MSL2: variants seen among roughly 807,000 people sequenced by gnomAD.
MSL2 encodes E3 ubiquitin-protein ligase MSL2.
MSL2 carries 2 observed loss-of-function variants against 35.8 expected under a neutral mutation model. That is an observed-to-expected ratio of 0.06 (90% CI 0.02 to 0.18). The LOEUF (loss-of-function observed/expected upper bound fraction) is 0.18. MSL2 is among the 10% of genes least tolerant of loss of function. MSL2 has a pLI of 1.00. For missense variants in MSL2, 523 were observed against 706.7 expected (o/e 0.74, Z 2.95); for synonymous variants, 296 against 255.7 (o/e 1.16, Z -1.50).
At chr3:136,173,419 A>T (rs1479524075) in intron 1 of MSL2, among the ~76,000 whole-genome samples, 1 of 152,074 alleles carries the variant, frequency 6.6e-6, no homozygotes, top group Non-Finnish European at 1.5e-5. Flanking sequence ...TCCCCACCTA[A>T]AAGCCTGGTC....
chr3:136,162,171 C>T (rs1294393836), intron 1 of MSL2, among the ~76,000 whole-genome samples: 1 of 151,120 alleles, frequency 6.6e-6, no homozygotes, highest in Non-Finnish European at 1.5e-5. Context: ...CTCCTGACCT[C>T]GTGATCCACA....
chr3:136,192,077 T>C (rs946017928), intron 1 of MSL2, among the ~76,000 whole-genome samples: 18 of 152,186 alleles, frequency 1.2e-4, no homozygotes, highest in Admixed American at 2.0e-4. Flanking sequence ...ATTATATGTA[T>C]CAAGAAAATC....
chr3:136,158,222 G>A (rs2108064231), intron 1 of MSL2, among the ~76,000 whole-genome samples: 1 of 151,932 alleles, frequency 6.6e-6, no homozygotes, highest in Non-Finnish European at 1.5e-5. Flanking sequence ...TGAGGCAGGA[G>A]AATCGCTTCA....
intron 1 of MSL2, among the ~76,000 whole-genome samples, chr3:136,184,331 T>C (rs984340269): frequency 3.3e-5 from 5 of 151,576 alleles, no homozygotes; most frequent in African/African-American, 9.7e-5. Context: ...CTGGGCACAG[T>C]AGCTCATGTC....
intron 1 of MSL2, among the ~76,000 whole-genome samples, chr3:136,173,582 G>T (rs532150893): frequency 6.6e-6 from 1 of 152,092 alleles, no homozygotes; most frequent in African/African-American, 2.4e-5. Context: ...CACCCCTTCA[G>T]GTTTTATTTG....
intron 1 of MSL2, among the ~76,000 whole-genome samples, chr3:136,181,143 C>T (rs950465164): frequency 7.9e-5 from 12 of 151,620 alleles, no homozygotes; most frequent in Non-Finnish European, 1.6e-4. Flanking sequence ...CAGAGTAAAA[C>T]TCTGTCTCAA....
At position 136,149,200 on chromosome 3, in the gene MSL2, G is replaced by A. The variant is rs1455095476; in HGVS notation, c.*1947C>T. ...ATGAATTTTAAGATCATAATATTAGGAAAGTTTGGTCGATTTGCAAAATAT... is the reference window on the plus strand; with the variant it reads ...ATGAATTTTAAGATCATAATATTAGAAAAGTTTGGTCGATTTGCAAAATAT... On this transcript the variant is annotated 3_prime_UTR_variant, in exon 2 of 2. Transcript: ENST00000309993. The A allele has an allele frequency of 1.3e-5, 2 of 151,584 alleles. No individual in the cohort carries two copies. The highest frequency in any genetic ancestry group is 2.9e-5 in the Non-Finnish European group (2 of 67,908). The allele number at this position is 151,584 out of a possible 1,614,324, so 9.4% of individuals were successfully genotyped here.
At chr3:136,193,593 A>C (rs990370368) in intron 1 of MSL2, among the ~76,000 whole-genome samples, 1 of 152,058 alleles carries the variant, frequency 6.6e-6, no homozygotes, top group Non-Finnish European at 1.5e-5. Flanking sequence ...TAAAAAAAAA[A>C]AGCACTCCAT....
rs954502497 is a variant in MSL2 at position 136,150,929 on chromosome 3, T to C, written c.*218A>G. 1.9e-5 allele frequency: 10 copies of C among 524,998 alleles called. No homozygotes were observed. The highest frequency in any genetic ancestry group is 3.4e-5 in the Non-Finnish European group (10 of 296,848). The allele number at this position is 524,998 out of a possible 1,614,324, so 32.5% of individuals were successfully genotyped here. ...TTGCATCAGCTTTGTTCTCAAACTA[T>C]GAGGTTCTGTAAGAACTAAGGACAT... On this transcript the variant is annotated 3_prime_UTR_variant, in exon 2 of 2. Coordinates refer to ENST00000309993, the MANE Select transcript of MSL2 (RefSeq NM_018133.4).
rs139204085 is a variant in MSL2, at chr3:136,152,173, T to C, written c.708A>G (p.Pro236=). ...IKTEDLSDSL[P]PVCDTVATDL... ...CAGTGGCTACTGTGTCACAAACGGG[T>C]GGCAGGCTGTCAGACAGATCCTCAG... Residue 236 remains proline (P), a synonymous_variant, in exon 2 of 2, where the codon CCA becomes CCG. Transcript: ENST00000309993. 1.4e-4 allele frequency: 234 copies of C among 1,613,994 alleles called. No individual in the cohort carries two copies. Among genetic ancestry groups the C allele is most frequent in the South Asian group, 5.5e-5 (5 of 91,090 alleles).
At chr3:136,194,950 G>A (rs747546180) in intron 1 of MSL2, 22 bp downstream of exon 1, 21 of 1,613,110 alleles carry the variant, frequency 1.3e-5, no homozygotes, top group South Asian at 1.1e-4. Flanking sequence ...CATTGAAAAG[G>A]GAACAATAAA....
chr3:136,152,843 TAA>T, intron 1 of MSL2, 105 bp from the exon 2 acceptor site: 6 of 1,480,542 alleles, frequency 4.1e-6, no homozygotes, highest in Non-Finnish European at 5.4e-6. Context: ...TGAGATGAAT[TAA>T]ACTCACTAGA....
At position 136,152,754 on chromosome 3, in the gene MSL2, A is replaced by T; in HGVS notation, c.143-16T>A. On this transcript the variant is annotated splice_polypyrimidine_tract_variant and intron_variant, in intron 1 of 1. Transcript: ENST00000309993. ...AGCAAATGTCCTAAGGGGGAGAAGG[A>T]GGAAAGCAAAGATTTTAGTAAAATA... 2 of 1,601,624 alleles carry T rather than the reference A, an allele frequency of 1.2e-6. No homozygotes were observed.
chr3:136,195,560 C>G lies in MSL2; in HGVS notation c.-447G>C, dbSNP rs1429142149. On this transcript the variant is annotated 5_prime_UTR_variant, in exon 1 of 2. Transcript: ENST00000309993. ...CCCGTCTGAGGCGCGGCACGCTTCT[C>G]CCGGGCTGCAGGGCCTCTTACTCCA... The G allele has an allele frequency of 2.0e-6, 2 of 999,118 alleles. No individual in the cohort carries two copies. Among genetic ancestry groups the G allele is most frequent in the East Asian group, 1.1e-4 (1 of 9,016 alleles). 61.9% of individuals were successfully genotyped at this position (999,118 alleles called of 1,614,324 possible).
At position 136,195,572 on chromosome 3, in the gene MSL2, G is replaced by A. The variant is rs1051532523; in HGVS notation, c.-459C>T. On this transcript the variant is annotated 5_prime_UTR_variant, in exon 1 of 2. Coordinates refer to ENST00000309993, the MANE Select transcript of MSL2 (RefSeq NM_018133.4). ...GCGGCACGCTTCTCCCGGGCTGCAG[G>A]GCCTCTTACTCCATCCCAGTACAGG... 1.2e-5 allele frequency: 12 copies of A among 998,146 alleles called. No homozygotes were observed. In the South Asian group the frequency reaches 2.1e-4, roughly 18 times the overall value. The allele number at this position is 998,146 out of a possible 1,614,324, so 61.8% of individuals were successfully genotyped here.
rs563047729 is a variant in MSL2 at position 136,170,353 on chromosome 3, C to CAA, written c.143-17617_143-17616dup. Among the ~76,000 whole-genome samples, 276 of 125,888 alleles carry CAA rather than the reference C, an allele frequency of 2.2e-3. 3 individuals carry two copies. The highest frequency in any genetic ancestry group is 4.5e-3 in the Admixed American group (56 of 12,566). 82.6% of individuals were successfully genotyped at this position (125,888 alleles called of 152,430 possible). ...GGGAGACAAGAGCAAAAATCCCTCT[C>CAA]AAAAAAAAAAAACCATTGTTAACTA... On this transcript the variant is annotated intron_variant, in intron 1 of 1. Coordinates refer to ENST00000309993, the MANE Select transcript of MSL2 (RefSeq NM_018133.4).
In MSL2 at chr3:136,195,750, C is replaced by T; in HGVS notation, c.-637G>A. 1.0e-6 allele frequency: 1 copy of T among 985,280 alleles called. No homozygotes were observed. Among genetic ancestry groups the T allele is most frequent in the South Asian group, 4.7e-5 (1 of 21,284 alleles). 61.0% of individuals were successfully genotyped at this position (985,280 alleles called of 1,614,324 possible). A position where few individuals can be genotyped will look rare whatever the true frequency, so the allele number is the denominator to read the frequency against. ...TCGGACGCGGGGCCCAGACTGCGCC[C>T]TGGCTCTCCGCCCCGTGGGTTGCAG... On this transcript the variant is annotated 5_prime_UTR_variant, in exon 1 of 2. Coordinates refer to ENST00000309993, the MANE Select transcript of MSL2 (RefSeq NM_018133.4).
chr3:136,162,234 C>G (rs1413420703), intron 1 of MSL2, among the ~76,000 whole-genome samples: 2 of 150,730 alleles, frequency 1.3e-5, no homozygotes, highest in Non-Finnish European at 2.9e-5. Flanking sequence ...CAACACCTGG[C>G]CCTATATATG....
At chr3:136,169,442 GTTGT>G (rs745359638) in intron 1 of MSL2, among the ~76,000 whole-genome samples, 38 of 152,062 alleles carry the variant, frequency 2.5e-4, no homozygotes, top group Admixed American at 5.9e-4. Context: ...GTTTTGGTGG[GTTGT>G]TTGTTTTTTG....
Sources: allele counts gnomAD v4.1 joint callset (sites outside exome capture counted in the v4.1 genomes callset), GRCh38; gene constraint gnomAD v4.1.1; transcripts MANE v1.5; gene names NCBI Gene and HGNC (gene_info 2026-07-23, HGNC 2026-07-21).